The following SLIT3 variants were observed in gnomAD, a reference collection of about 807,000 sequenced individuals.
SLIT3 encodes slit homolog 3 protein.
A neutral mutation model predicts 184.0 loss-of-function variants in SLIT3; 68 were observed. The observed-to-expected ratio is 0.37, with a 90% CI of 0.30 to 0.45. The LOEUF is 0.45. SLIT3 is among the 20% of genes least tolerant of loss of function. The pLI, the probability that SLIT3 is intolerant of heterozygous loss-of-function variation, is 1.00. For synonymous variants in SLIT3, 831 were observed against 828.6 expected (o/e 1.00, Z -0.05); for missense variants, 1,707 against 2,026.0 (o/e 0.84, Z 3.02).
chr5:168,723,113 A>C, intron 21 of SLIT3, 109 bp from the exon 22 acceptor site: 1 of 734,362 alleles, frequency 1.4e-6, no homozygotes, highest in Non-Finnish European at 2.5e-6. Flanking sequence ...CTACCCATCC[A>C]CCCATCCACC....
At chr5:169,011,278 A>G (rs2113456082) in intron 4 of SLIT3, among the ~76,000 whole-genome samples, 1 of 152,270 alleles carries the variant, frequency 6.6e-6, no homozygotes, top group East Asian at 1.9e-4. Flanking sequence ...CCGACTCCAC[A>G]TTACCACTCT....
At chr5:168,897,426 A>T (rs1760705687) in intron 4 of SLIT3, among the ~76,000 whole-genome samples, 1 of 152,126 alleles carries the variant, frequency 6.6e-6, no homozygotes, top group Non-Finnish European at 1.5e-5. Context: ...TGAGAGAGAG[A>T]GAGAGACAGA....
At chr5:168,736,578 G>A (rs899934303) in intron 20 of SLIT3, among the ~76,000 whole-genome samples, 3 of 152,196 alleles carry the variant, frequency 2.0e-5, no homozygotes, top group African/African-American at 4.8e-5. Context: ...AGGCCCAGCT[G>A]TCAGGATGGA....
At chr5:168,961,027 C>T (rs759881192) in intron 4 of SLIT3, among the ~76,000 whole-genome samples, 2 of 152,178 alleles carry the variant, frequency 1.3e-5, no homozygotes, top group Non-Finnish European at 2.9e-5. Flanking sequence ...GCTCCATCTC[C>T]TCACCTGTGT....
intron 4 of SLIT3, among the ~76,000 whole-genome samples, chr5:169,035,647 GAAAA>G (rs201819555): frequency 1.9e-5 from 2 of 103,566 alleles, no homozygotes; most frequent in African/African-American, 3.7e-5. Context: ...ACTGCATCTG[GAAAA>G]AAAAAAAAAA....
chr5:169,026,574 T>A (rs1246977003), intron 4 of SLIT3: 1 of 148,646 alleles, frequency 6.7e-6, no homozygotes, highest in Non-Finnish European at 1.5e-5. Context: ...AAGATGCCCA[T>A]GATGTATTGT....
rs777325810 is a variant in SLIT3 at position 169,251,413 on chromosome 5, C to T, written c.244G>A (p.Ala82Thr). The part of the protein sequence containing the change: ...NITRITKMDF[A>T]GLKNLRVLHL... ...AAGACTCGGAGGTTCTTGAGCCCAG[C>T]GAAGTCCATCTTGGTGATCCTGGTG... The change falls in exon 2 of 36, where the codon GCT (alanine) becomes ACT (threonine). Residue 82 changes from alanine to threonine, a missense_variant. This residue lies in a region of SLIT3 where 1,307 missense variants were observed against 1,511.6 expected (regional missense o/e 0.86). Coordinates refer to ENST00000519560, the MANE Select transcript of SLIT3 (RefSeq NM_003062.4). The T allele has an allele frequency of 2.4e-5, 39 of 1,613,276 alleles. No individual in the cohort carries two copies. Among genetic ancestry groups the T allele is most frequent in the African/African-American group, 6.7e-5 (5 of 74,864 alleles).
intron 10 of SLIT3, among the ~76,000 whole-genome samples, chr5:168,795,046 T>C (rs956147890): frequency 3.9e-5 from 6 of 152,222 alleles, no homozygotes; most frequent in Non-Finnish European, 8.8e-5. Context: ...GCTCTATCCA[T>C]AGATCCTTGC....
At chr5:169,248,762 C>CCTTA (rs1765680517) in intron 2 of SLIT3, among the ~76,000 whole-genome samples, 1 of 152,110 alleles carries the variant, frequency 6.6e-6, no homozygotes, top group African/African-American at 2.4e-5. Context: ...ATAGCAGAGC[C>CCTTA]CTTAGACTGC....
At chr5:169,015,972 AC>A (rs1561608771) in intron 4 of SLIT3, among the ~76,000 whole-genome samples, 4 of 126,052 alleles carry the variant, frequency 3.2e-5, no homozygotes, top group Non-Finnish European at 5.1e-5. Flanking sequence ...ACACACACAC[AC>A]ACACACACAC....
intron 4 of SLIT3, among the ~76,000 whole-genome samples, chr5:169,181,680 G>T (rs1293510371): frequency 6.6e-6 from 1 of 151,290 alleles, no homozygotes; most frequent in African/African-American, 2.4e-5. Context: ...GGTGGAGGTT[G>T]CAGTGAGCCA....
At chr5:169,234,396 T>C (rs1765118901) in intron 3 of SLIT3, among the ~76,000 whole-genome samples, 1 of 152,066 alleles carries the variant, frequency 6.6e-6, no homozygotes, top group Non-Finnish European at 1.5e-5. Flanking sequence ...AGTCTTTCGG[T>C]TGTATGAAGC....
chr5:168,772,606 A>G (rs917016552), intron 14 of SLIT3, 175 bp downstream of exon 14: 2 of 624,388 alleles, frequency 3.2e-6, no homozygotes, highest in African/African-American at 1.8e-5. Context: ...TTTATTTTAA[A>G]TCCATAAGGT....
chr5:169,071,385 G>A (rs1465396183), intron 4 of SLIT3, among the ~76,000 whole-genome samples: 1 of 152,110 alleles, frequency 6.6e-6, no homozygotes, highest in African/African-American at 2.4e-5. Context: ...AGTAGCAGCA[G>A]GAGAAATCTA....
chr5:169,271,862 GGGGT>G (rs1363747459), intron 1 of SLIT3, among the ~76,000 whole-genome samples: 4 of 152,218 alleles, frequency 2.6e-5, no homozygotes, highest in African/African-American at 7.2e-5. Flanking sequence ...CTATCATTAT[GGGGT>G]AGAGCTCTGA....
intron 3 of SLIT3, among the ~76,000 whole-genome samples, chr5:169,234,538 G>A (rs1765126162): frequency 6.6e-6 from 1 of 152,134 alleles, no homozygotes; most frequent in African/African-American, 2.4e-5. Context: ...TGAGTAGCTG[G>A]GACTACAGGC....
intron 4 of SLIT3, among the ~76,000 whole-genome samples, chr5:168,947,426 CT>C (rs1156561645): frequency 6.6e-6 from 1 of 152,160 alleles, no homozygotes; most frequent in Non-Finnish European, 1.5e-5. Flanking sequence ...CCCCAGGCCC[CT>C]GCTCACTGCT....
In SLIT3 at chr5:168,749,542, C is replaced by T. The variant is rs771441934; in HGVS notation, c.2067G>A (p.Arg689=). The change falls in exon 19 of 36, where the codon AGG becomes AGA. Residue 689 remains arginine (R), a synonymous_variant. Transcript: ENST00000519560. ...RKRRIVSGNP[R]CQKPFFLKEI... ...CCTTGAGGAAAAATGGCTTCTGGCACCTAGGGTTCCCACTGACGATCCGCC... is the reference window on the plus strand; with the variant it reads ...CCTTGAGGAAAAATGGCTTCTGGCATCTAGGGTTCCCACTGACGATCCGCC... 6.2e-7 allele frequency: 1 copy of T among 1,614,186 alleles called. No homozygotes were observed. The highest frequency in any genetic ancestry group is 8.5e-7 in the Non-Finnish European group (1 of 1,180,030).
intron 4 of SLIT3, among the ~76,000 whole-genome samples, chr5:169,031,705 G>A (rs1757032094): frequency 6.6e-6 from 1 of 152,218 alleles, no homozygotes. Flanking sequence ...GTCAGGAGGA[G>A]CAGGGCATCG....
Sources: allele counts gnomAD v4.1 joint callset (sites outside exome capture counted in the v4.1 genomes callset), GRCh38; gene constraint gnomAD v4.1.1; regional missense constraint gnomAD v4.1.1; transcripts MANE v1.5; gene names NCBI Gene and HGNC (gene_info 2026-07-23, HGNC 2026-07-21).